The following ZCCHC2 variants were observed in gnomAD, a reference collection of about 807,000 sequenced individuals.
The protein encoded by ZCCHC2 is zinc finger CCHC domain-containing protein 2.
In ZCCHC2, 39 loss-of-function variants were observed where a neutral mutation model predicts 103.6. The ratio of observed to expected loss-of-function variants is 0.38; its 90% confidence interval spans 0.29 to 0.49. ZCCHC2 has a LOEUF of 0.49. Ranked by LOEUF, ZCCHC2 falls within the 20% of genes least tolerant of loss-of-function variation. The probability of loss-of-function intolerance (pLI) is 0.96; values close to 1 mark genes in which losing one functional copy is unlikely to be tolerated. For synonymous variants in ZCCHC2, 687 were observed against 608.9 expected, an observed-to-expected ratio of 1.13 and a Z score of -1.89; for missense variants, 1,483 against 1,491.0, an observed-to-expected ratio of 0.99 and a Z score of 0.09.
chr18:62,565,664 T>C (rs920775260), intron 11 of ZCCHC2, among the ~76,000 whole-genome samples: 2 of 152,186 alleles, frequency 1.3e-5, no homozygotes, highest in African/African-American at 2.4e-5. Flanking sequence ...TGCAGCTTCA[T>C]TGATTTTGTT....
chr18:62,523,860 C>T lies in ZCCHC2; in HGVS notation c.436C>T (p.Arg146Cys). The T allele has an allele frequency of 6.5e-7, 1 of 1,544,480 alleles. No individual in the cohort carries two copies. The highest frequency in any genetic ancestry group is 8.7e-7 in the Non-Finnish European group (1 of 1,146,224). ...DLARKDYHYL[R>C]DSEAKANGLS... Reference sequence around the variant, plus strand: ...GGCGCGCAAGGACTACCACTACCTGCGCGACTCGGAGGCCAAGGCCAACGG... The same window carrying T: ...GGCGCGCAAGGACTACCACTACCTGTGCGACTCGGAGGCCAAGGCCAACGG... Residue 146 changes from arginine (R) to cysteine (C), a missense_variant, in exon 1 of 14, where the codon CGC becomes TGC. Physicochemically the swap from Arg to Cys is radical, Grantham distance 180. Transcript: ENST00000269499.
intron 12 of ZCCHC2, among the ~76,000 whole-genome samples, chr18:62,571,453 T>C (rs1341655072): frequency 6.6e-6 from 1 of 152,230 alleles, no homozygotes; most frequent in Non-Finnish European, 1.5e-5. Flanking sequence ...TTTTCTTGAA[T>C]AAACACTCGT....
At chr18:62,551,774 G>A (rs563560159) in intron 5 of ZCCHC2, 2 of 152,932 alleles carry the variant, frequency 1.3e-5, no homozygotes, top group African/African-American at 4.8e-5. Flanking sequence ...GAAACATGCT[G>A]TTTTACTGGA....
chr18:62,546,693 C>T lies in ZCCHC2; in HGVS notation c.1200+1820C>T, dbSNP rs554017447. On this transcript the variant is annotated intron_variant, in intron 4 of 13. Transcript: ENST00000269499. ...CCCAGCTGAGGCCTAGTGCCTGGCG[C>T]ATGGAGTCTGCCTTCTACTGGCTTT... Among the ~76,000 whole-genome samples the T allele has an allele frequency of 3.9e-5, 6 of 152,298 alleles. No individual in the cohort carries two copies. In the East Asian group the frequency reaches 1.2e-3, roughly 29 times the overall value.
intron 2 of ZCCHC2, among the ~76,000 whole-genome samples, chr18:62,541,775 A>C (rs1030039026): frequency 4.6e-5 from 7 of 152,182 alleles, no homozygotes; most frequent in African/African-American, 1.7e-4. Flanking sequence ...TACTTTTATT[A>C]AAGGTGTCGT....
intron 4 of ZCCHC2, among the ~76,000 whole-genome samples, chr18:62,546,895 G>GTAGTATAAATGCCTCTA (rs1190444746): frequency 6.6e-6 from 1 of 152,184 alleles, no homozygotes; most frequent in African/African-American, 2.4e-5. Context: ...TTTTTCTCAA[G>GTAGTATAAATGCCTCTA]TAGTATAAAT....
intron 2 of ZCCHC2, among the ~76,000 whole-genome samples, chr18:62,540,788 G>A (rs1273437351): frequency 2.6e-5 from 4 of 152,130 alleles, no homozygotes; most frequent in Non-Finnish European, 5.9e-5. Flanking sequence ...CTTAAAAAGT[G>A]TAATACATGC....
At chr18:62,559,764 G>A (rs1916038167) in intron 7 of ZCCHC2, among the ~76,000 whole-genome samples, 1 of 152,164 alleles carries the variant, frequency 6.6e-6, no homozygotes, top group South Asian at 2.1e-4. Context: ...CTTTGTACTA[G>A]GTAGCAATTA....
chr18:62,524,055 G>A lies in ZCCHC2; in HGVS notation c.631G>A (p.Glu211Lys), dbSNP rs1423262433. Reference protein sequence around the residue: ...VLKSLRAARGEGSRGGAEDER... With the variant: ...VLKSLRAARGKGSRGGAEDER... The stretch of plus-strand genomic sequence containing the variant: ...CAAAAGCCTGCGCGCGGCCCGGGGC[G>A]AGGGCTCGCGGGGCGGCGCGGAGGA... Residue 211 changes from glutamate to lysine, a missense_variant, in exon 1 of 14, where the codon GAG becomes AAG. This residue lies in a region of ZCCHC2 where 568 missense variants were observed against 525.1 expected (regional missense o/e 1.08). Coordinates refer to ENST00000269499, the MANE Select transcript of ZCCHC2 (RefSeq NM_017742.6). 7 of 1,477,678 alleles carry A rather than the reference G, an allele frequency of 4.7e-6. No homozygotes were observed. The highest frequency in any genetic ancestry group is 6.2e-6 in the Non-Finnish European group (7 of 1,125,174). 91.5% of individuals were successfully genotyped at this position (1,477,678 alleles called of 1,614,324 possible).
intron 1 of ZCCHC2, among the ~76,000 whole-genome samples, chr18:62,538,811 T>A (rs1915044249): frequency 6.6e-6 from 1 of 152,204 alleles, no homozygotes; most frequent in African/African-American, 2.4e-5. Flanking sequence ...CTTAGGGTCT[T>A]CTATTTGCCT....
intron 1 of ZCCHC2, chr18:62,525,527 C>G (rs1914342960): frequency 6.6e-6 from 1 of 152,146 alleles, no homozygotes; most frequent in Admixed American, 6.5e-5. Context: ...TATCTGCTGT[C>G]ATTCAGTACC....
At chr18:62,539,857 G>T in intron 2 of ZCCHC2, 65 bp downstream of exon 2, 1 of 1,288,562 alleles carries the variant, frequency 7.8e-7, no homozygotes. Context: ...TGCTCTTTAC[G>T]CTGATTAACT....
intron 1 of ZCCHC2, among the ~76,000 whole-genome samples, chr18:62,538,412 C>T (rs1481792488): frequency 1.3e-5 from 2 of 152,032 alleles, no homozygotes; most frequent in Admixed American, 1.3e-4. Context: ...AGCAGAATCT[C>T]TCGTGGGTAA....
rs371398544 is a variant in ZCCHC2 at position 62,570,615 on chromosome 18, A to G, written c.1975+384A>G. Among the ~76,000 whole-genome samples the G allele has an allele frequency of 3.9e-5, 6 of 152,156 alleles. No homozygotes were observed. The East Asian group carries it at 9.6e-4, about 24-fold the overall frequency. ...GATATCCTTCTTTGTCTCTAGTAAC[A>G]ATTTTTGTCTTAAAGTCTATTTTGT... On this transcript the variant is annotated intron_variant, in intron 12 of 13. Transcript: ENST00000269499.
chr18:62,563,223 T>C, intron 9 of ZCCHC2, 79 bp downstream of exon 9: 1 of 1,509,420 alleles, frequency 6.6e-7, no homozygotes, highest in Non-Finnish European at 9.0e-7. Flanking sequence ...TCTGTAAGCT[T>C]TCAGTCAGAC....
chr18:62,548,900 C>T (rs1048947240), intron 4 of ZCCHC2, among the ~76,000 whole-genome samples: 9 of 143,628 alleles, frequency 6.3e-5, no homozygotes, highest in East Asian at 4.3e-4. Flanking sequence ...ACTCCAGCCT[C>T]GGTGACAGAG....
chr18:62,562,858 A>T, intron 8 of ZCCHC2, 151 bp from the exon 9 acceptor site: 1 of 788,856 alleles, frequency 1.3e-6, no homozygotes, highest in African/African-American at 1.7e-5. Context: ...TTTATTTCTC[A>T]TAGTATACTT....
rs1914125501 is a variant in ZCCHC2, at chr18:62,523,243, G to C, written c.-182G>C. ...CCCCCAGCCCGGGAAGACGACGCCA[G>C]CGACCCCGCCGGCCGGCCACCGCCC... is the stretch of plus-strand genomic sequence containing the variant. On this transcript the variant is annotated 5_prime_UTR_variant, in exon 1 of 14. Transcript: ENST00000269499. The C allele has an allele frequency of 5.2e-6, 2 of 386,202 alleles. No individual in the cohort carries two copies. Among genetic ancestry groups the C allele is most frequent in the East Asian group, 3.3e-4 (2 of 6,050 alleles). 23.9% of individuals were successfully genotyped at this position (386,202 alleles called of 1,614,324 possible).
chr18:62,559,809 A>C (rs1269026930), intron 7 of ZCCHC2, among the ~76,000 whole-genome samples: 3 of 152,238 alleles, frequency 2.0e-5, no homozygotes, highest in African/African-American at 7.2e-5. Flanking sequence ...TTGGCTCTCC[A>C]TCTCTGCATT....
Sources: allele counts gnomAD v4.1 joint callset (sites outside exome capture counted in the v4.1 genomes callset), GRCh38; gene constraint gnomAD v4.1.1; regional missense constraint gnomAD v4.1.1; transcripts MANE v1.5; gene names NCBI Gene and HGNC (gene_info 2026-07-23, HGNC 2026-07-21).